NAALADL2: variants seen among roughly 807,000 people sequenced by gnomAD.
The protein encoded by NAALADL2 is inactive N-acetylated-alpha-linked acidic dipeptidase-like protein 2.
In NAALADL2, 76 loss-of-function variants were observed where a neutral mutation model predicts 87.2. That is an observed-to-expected ratio of 0.87 (90% CI 0.72 to 1.05). The LOEUF (loss-of-function observed/expected upper bound fraction) is 1.05. Ranked by LOEUF, NAALADL2 falls within the 50% of genes least tolerant of loss-of-function variation. The pLI is 0.00. For missense variants in NAALADL2, 1,089 were observed against 945.8 expected (o/e 1.15, Z -1.99); for synonymous variants, 354 against 331.0 (o/e 1.07, Z -0.75).
intron 3 of NAALADL2, among the ~76,000 whole-genome samples, chr3:174,803,689 G>A: frequency 6.6e-6 from 1 of 152,028 alleles, no homozygotes; most frequent in South Asian, 2.1e-4. Flanking sequence ...TCTATATATG[G>A]CTAGCCAGTT....
At chr3:175,409,753 C>T (rs1713124045) in intron 5 of NAALADL2, among the ~76,000 whole-genome samples, 1 of 151,838 alleles carries the variant, frequency 6.6e-6, no homozygotes, top group Non-Finnish European at 1.5e-5. Flanking sequence ...ACTTTCAGAG[C>T]AATTTTTTCT....
chr3:174,849,789 AC>A, intron 3 of NAALADL2, among the ~76,000 whole-genome samples: 1 of 150,614 alleles, frequency 6.6e-6, no homozygotes, highest in Non-Finnish European at 1.5e-5. Context: ...GCCTAGGCCT[AC>A]GCAGGGTTAG....
chr3:175,470,265 G>C (rs62285246), intron 8 of NAALADL2, among the ~76,000 whole-genome samples: 16,228 of 151,984 alleles, frequency 0.11, 1,182 homozygotes, highest in African/African-American at 0.2. Context: ...GGGAGAAAAT[G>C]GTCAACTTCT....
At chr3:174,632,452 A>C (rs991366138) in intron 2 of NAALADL2, among the ~76,000 whole-genome samples, 1 of 152,204 alleles carries the variant, frequency 6.6e-6, no homozygotes. Flanking sequence ...AATGTTAATA[A>C]ATTCTATAAA....
chr3:174,750,335 A>G (rs1331637889), intron 3 of NAALADL2, among the ~76,000 whole-genome samples: 2 of 152,176 alleles, frequency 1.3e-5, no homozygotes, highest in East Asian at 1.9e-4. Flanking sequence ...CTCTTTGGAT[A>G]TGGCTTCCCA....
intron 2 of NAALADL2, among the ~76,000 whole-genome samples, chr3:174,556,095 ACTTTT>A (rs931138015): frequency 1.3e-5 from 2 of 151,910 alleles, no homozygotes; most frequent in African/African-American, 4.8e-5. Flanking sequence ...TAAAACCATA[ACTTTT>A]CTTTTAATAT....
At chr3:175,204,401 T>A (rs949514295) in intron 2 of NAALADL2, among the ~76,000 whole-genome samples, 2 of 152,180 alleles carry the variant, frequency 1.3e-5, no homozygotes, top group African/African-American at 4.8e-5. Flanking sequence ...AGCATCACTC[T>A]ATGATTAAAA....
intron 2 of NAALADL2, among the ~76,000 whole-genome samples, chr3:175,147,581 G>A (rs566766652): frequency 4.6e-4 from 17 of 37,362 alleles, no homozygotes; most frequent in Admixed American, 4.4e-3. Flanking sequence ...TGGTAGAACA[G>A]TTTATTTTTG....
intron 1 of NAALADL2, among the ~76,000 whole-genome samples, chr3:174,898,136 A>AAAAAAAAAAAAAAAAG (rs1731828710): frequency 1.5e-5 from 2 of 132,180 alleles, no homozygotes; most frequent in Non-Finnish European, 1.5e-5. Context: ...AAAAAAAAAA[A>AAAAAAAAAAAAAAAAG]AAAAAAAGAA....
chr3:174,968,471 T>C (rs544353610), intron 1 of NAALADL2, among the ~76,000 whole-genome samples: 1 of 152,016 alleles, frequency 6.6e-6, no homozygotes, highest in South Asian at 2.1e-4. Context: ...TCGATACAGG[T>C]TTGAATGACT....
At chr3:175,012,182 G>C (rs1410780459) in intron 1 of NAALADL2, among the ~76,000 whole-genome samples, 1 of 152,006 alleles carries the variant, frequency 6.6e-6, no homozygotes, top group Non-Finnish European at 1.5e-5. Flanking sequence ...TTATTTATCT[G>C]AGATGGAGAT....
chr3:175,218,083 T>C (rs1401111566), intron 2 of NAALADL2: 1 of 430,804 alleles, frequency 2.3e-6, no homozygotes, highest in Admixed American at 2.6e-5. Context: ...TAGGATAAAA[T>C]GAAGCACACT....
At chr3:175,678,347 T>C (rs1735107534) in intron 11 of NAALADL2, among the ~76,000 whole-genome samples, 1 of 152,144 alleles carries the variant, frequency 6.6e-6, no homozygotes, top group Admixed American at 6.5e-5. Context: ...GGATATCATT[T>C]GACAATGAGA....
At chr3:175,439,731 C>CTTTTTTTT (rs535237866) in intron 5 of NAALADL2, among the ~76,000 whole-genome samples, 57 of 113,648 alleles carry the variant, frequency 5.0e-4, no homozygotes, top group East Asian at 8.3e-4. Context: ...GTTTTTTTTT[C>CTTTTTTTT]TTTTTTTTCT....
intron 1 of NAALADL2, among the ~76,000 whole-genome samples, chr3:175,045,036 C>A (rs1253533781): frequency 6.6e-6 from 1 of 151,870 alleles, no homozygotes; most frequent in Non-Finnish European, 1.5e-5. Context: ...TTATTTCCCC[C>A]ATCCCATTGC....
chr3:175,492,721 A>G (rs1419840223), intron 9 of NAALADL2, among the ~76,000 whole-genome samples: 2 of 152,174 alleles, frequency 1.3e-5, no homozygotes, highest in East Asian at 1.9e-4. Flanking sequence ...GTGTTCATCT[A>G]TACGTAAACA....
intron 2 of NAALADL2, among the ~76,000 whole-genome samples, chr3:175,226,120 G>T (rs866891114): frequency 1.3e-5 from 2 of 152,192 alleles, no homozygotes; most frequent in Non-Finnish European, 1.5e-5. Context: ...GAGCCCATCA[G>T]CATGCCTTCT....
chr3:175,721,688 T>C (rs1405392344), intron 11 of NAALADL2, among the ~76,000 whole-genome samples: 2 of 152,054 alleles, frequency 1.3e-5, no homozygotes, highest in Non-Finnish European at 2.9e-5. Flanking sequence ...ACATCTACTA[T>C]CACAATGTAA....
chr3:175,442,543 T>C (rs1317733931), intron 5 of NAALADL2, among the ~76,000 whole-genome samples: 1 of 152,202 alleles, frequency 6.6e-6, no homozygotes, highest in East Asian at 1.9e-4. Context: ...GGTGTCACCT[T>C]GGTAGAGATG....
Sources: gnomAD v4.1 joint callset for allele counts (sites outside exome capture counted in the v4.1 genomes callset) on GRCh38, gnomAD v4.1.1 for gene constraint, MANE v1.5 for transcripts, NCBI Gene and HGNC (gene_info 2026-07-23, HGNC 2026-07-21) for gene names.